Variants in TNFAIP8L3 observed in about 807,000 individuals in gnomAD.
The protein encoded by TNFAIP8L3 is TNF alpha induced protein 8 like 3, also known as tumor necrosis factor alpha-induced protein 8-like protein 3.
Under a neutral mutation model 11.8 loss-of-function variants are expected in TNFAIP8L3, and 7 were observed. The observed-to-expected ratio is 0.59, with a 90% CI of 0.34 to 1.11. TNFAIP8L3 has a LOEUF of 1.11. Ranked by LOEUF, TNFAIP8L3 falls within the 50% of genes most tolerant of loss-of-function variation. The pLI is 0.03. For missense variants in TNFAIP8L3, 219 were observed against 258.6 expected, an observed-to-expected ratio of 0.85 and a Z score of 1.05; for synonymous variants, 98 against 103.8, an observed-to-expected ratio of 0.94 and a Z score of 0.34.
intron 1 of TNFAIP8L3, among the ~76,000 whole-genome samples, chr15:51,066,761 G>A (rs765958039): frequency 6.6e-6 from 1 of 152,180 alleles, no homozygotes. Context: ...GGTTTTGGAT[G>A]TCCCTAAGTA....
chr15:51,102,600 C>G (rs2065562543), intron 1 of TNFAIP8L3, among the ~76,000 whole-genome samples: 1 of 152,178 alleles, frequency 6.6e-6, no homozygotes, highest in Non-Finnish European at 1.5e-5. Flanking sequence ...TCAAGGTCAC[C>G]TGGTCTAACC....
intron 1 of TNFAIP8L3, among the ~76,000 whole-genome samples, chr15:51,102,700 G>T (rs1211883123): frequency 6.6e-6 from 1 of 152,114 alleles, no homozygotes; most frequent in Non-Finnish European, 1.5e-5. Context: ...CCATGTCTCT[G>T]GCCCTATTTC....
At chr15:51,061,941 C>T (rs2065244536) in intron 1 of TNFAIP8L3, among the ~76,000 whole-genome samples, 1 of 152,106 alleles carries the variant, frequency 6.6e-6, no homozygotes, top group South Asian at 2.1e-4. Flanking sequence ...CACATCAACT[C>T]TTTGTTTGCC....
chr15:51,094,589 A>C lies in TNFAIP8L3; in HGVS notation c.7T>G (p.Ser3Ala). The C allele has an allele frequency of 6.7e-7, 1 of 1,497,960 alleles. No individual in the cohort carries two copies. 92.8% of individuals were successfully genotyped at this position (1,497,960 alleles called of 1,614,324 possible). A position where few individuals can be genotyped will look rare whatever the true frequency, so the allele number is the denominator to read the frequency against. Reference sequence around the variant, plus strand: ...CCCTCGCTCTGCTCCCCGGAATCCGAATCCATGCTGCGGGCTGCTGGCTGG... The same window carrying C: ...CCCTCGCTCTGCTCCCCGGAATCCGCATCCATGCTGCGGGCTGCTGGCTGG... MD[S>A]DSGEQSEGEP... The change falls in exon 1 of 2, where the codon TCG becomes GCG. Residue 3 changes from serine to alanine, a missense_variant. Physicochemically the swap from Ser to Ala is moderately conservative, Grantham distance 99. Transcript: ENST00000637513. The surrounding 1 kb of genome is among the most constrained non-coding windows in gnomAD (Gnocchi z 4.4).
intron 1 of TNFAIP8L3, among the ~76,000 whole-genome samples, chr15:51,063,535 C>G (rs938330525): frequency 6.6e-5 from 10 of 152,050 alleles, no homozygotes; most frequent in African/African-American, 2.4e-4. Flanking sequence ...GAGTACCTAC[C>G]CATCTTGCCA....
chr15:51,061,930 T>TCA lies in TNFAIP8L3; in HGVS notation c.53-3489_53-3488dup, dbSNP rs2065244485. ...AGAATCATCATTGGCAATGTGAATTTCACATCAACTCTTTGTTTGCCAGGA... is the reference window on the plus strand; with the variant it reads ...AGAATCATCATTGGCAATGTGAATTTCACACATCAACTCTTTGTTTGCCAGGA... On this transcript the variant is annotated intron_variant, in intron 1 of 1. Transcript: ENST00000637513. 2.6e-5 allele frequency among the ~76,000 whole-genome samples: 4 copies of TCA among 152,270 alleles called. No individual in the cohort carries two copies. In the South Asian group the frequency reaches 8.3e-4, roughly 32 times the overall value.
chr15:51,058,022 G>A lies in TNFAIP8L3; in HGVS notation c.474C>T (p.His158=), dbSNP rs369496823. 9.9e-6 allele frequency: 16 copies of A among 1,614,104 alleles called. No homozygotes were observed. Among genetic ancestry groups the A allele is most frequent in the African/African-American group, 9.3e-5 (7 of 74,942 alleles). ...GGTTAAAGACGTGGTTGATGCGCCC[G>A]TGGGTCCTGGGCGTCAGGTGCCGCT... ...LVQRHLTPRT[H]GRINHVFNHF... The change falls in exon 2 of 2, where the codon CAC becomes CAT. Residue 158 remains histidine, a synonymous_variant. Coordinates refer to ENST00000637513, the MANE Select transcript of TNFAIP8L3 (RefSeq NM_001311175.2).
upstream of TNFAIP8L3, among the ~76,000 whole-genome samples, chr15:51,098,344 C>T (rs1453994796): frequency 1.3e-5 from 2 of 152,192 alleles, no homozygotes; most frequent in African/African-American, 4.8e-5. Context: ...AGCTCTAGAA[C>T]CGCTGTTTTC....
At chr15:51,073,287 C>T (rs569527826) in intron 1 of TNFAIP8L3, among the ~76,000 whole-genome samples, 3 of 152,316 alleles carry the variant, frequency 2.0e-5, no homozygotes, top group Non-Finnish European at 2.9e-5. Flanking sequence ...TGAGCCACCA[C>T]GCCCAGCCTA....
At chr15:51,104,646 T>TA (rs776232601) in intron 1 of TNFAIP8L3, among the ~76,000 whole-genome samples, 37 of 152,334 alleles carry the variant, frequency 2.4e-4, no homozygotes, top group Non-Finnish European at 4.6e-4. Flanking sequence ...GTGGATGCTT[T>TA]GCTGTGATGG....
At chr15:51,074,342 T>C (rs1185225296) in intron 1 of TNFAIP8L3, among the ~76,000 whole-genome samples, 1 of 152,262 alleles carries the variant, frequency 6.6e-6, no homozygotes, top group South Asian at 2.1e-4. Context: ...CAATAGCACA[T>C]GCCACCATTT....
In TNFAIP8L3 at chr15:51,061,491, A is replaced by G. The variant is rs557060462; in HGVS notation, c.53-3048T>C. On this transcript the variant is annotated intron_variant, in intron 1 of 1. Transcript: ENST00000637513. The stretch of plus-strand genomic sequence containing the variant: ...CCAATGTAACGTAAGTACCGTTGTT[A>G]TATAATACCCATTATTGTACACTTT... Among the ~76,000 whole-genome samples the G allele has an allele frequency of 9.2e-5, 14 of 152,352 alleles. No individual in the cohort carries two copies. The East Asian group carries it at 2.5e-3, about 27-fold the overall frequency.
rs142739695 is a variant in TNFAIP8L3 at position 51,104,945 on chromosome 15, T to G, written c.172+60A>C. On this transcript the variant is annotated intron_variant, in intron 1 of 2. Transcript: ENST00000327536. ...TCCTCAGCTCGCCACCTTGCATGCT[T>G]TGCACAAGCCTCCCCGCCCCTATAC... is the stretch of plus-strand genomic sequence containing the variant. 4.9e-5 allele frequency: 79 copies of G among 1,608,616 alleles called. 1 individual carries two copies. In the African/African-American group the frequency reaches 8.0e-4, roughly 16 times the overall value.
chr15:51,063,365 CTG>C (rs2065251902), intron 1 of TNFAIP8L3, among the ~76,000 whole-genome samples: 1 of 152,206 alleles, frequency 6.6e-6, no homozygotes, highest in African/African-American at 2.4e-5. Flanking sequence ...ATTGCTAAAA[CTG>C]GAAATGTTCC....
At chr15:51,062,556 T>A (rs1347666115) in intron 1 of TNFAIP8L3, among the ~76,000 whole-genome samples, 1 of 152,248 alleles carries the variant, frequency 6.6e-6, no homozygotes, top group Non-Finnish European at 1.5e-5. Flanking sequence ...GTACATGTTG[T>A]GGAATGTCTC....
intron 1 of TNFAIP8L3, among the ~76,000 whole-genome samples, chr15:51,101,137 T>C (rs1445049357): frequency 6.6e-6 from 1 of 152,236 alleles, no homozygotes. Context: ...ATGGACCTGC[T>C]GTGGTTCCAG....
At chr15:51,095,593 C>G (rs531253233), upstream of TNFAIP8L3, among the ~76,000 whole-genome samples, 3 of 151,812 alleles carry the variant, frequency 2.0e-5, no homozygotes, top group African/African-American at 7.3e-5. Flanking sequence ...AAAAGCTTTT[C>G]TTTGTTGATG....
rs2065211430 is a variant in TNFAIP8L3 at position 51,057,194 on chromosome 15, GCCACCATGCCTGGCCAAAA to G, written c.*668_*686del. ...CAAAGTGCTGGGATTACAGGTGTGA[GCCACCATGCCTGGCCAAAA>G]AGACGACTCTTGAAACACATTTTTC... On this transcript the variant is annotated 3_prime_UTR_variant, in exon 2 of 2. Transcript: ENST00000637513. 1 of 152,214 alleles carries G rather than the reference GCCACCATGCCTGGCCAAAA, an allele frequency of 6.6e-6. No individual in the cohort carries two copies. Among genetic ancestry groups the G allele is most frequent in the South Asian group, 2.1e-4 (1 of 4,828 alleles). The allele number at this position is 152,214 out of a possible 1,614,324, so 9.4% of individuals were successfully genotyped here.
In TNFAIP8L3 at chr15:51,094,516, C is replaced by T. The variant is rs746024625; in HGVS notation, c.52+28G>A. 6.8e-6 allele frequency: 10 copies of T among 1,475,230 alleles called. No individual in the cohort carries two copies. In the East Asian group the frequency reaches 8.8e-5, roughly 13 times the overall value. The allele number at this position is 1,475,230 out of a possible 1,614,324, so 91.4% of individuals were successfully genotyped here. A position where few individuals can be genotyped will look rare whatever the true frequency, so the allele number is the denominator to read the frequency against. On this transcript the variant is annotated intron_variant, in intron 1 of 1. Coordinates refer to ENST00000637513, the MANE Select transcript of TNFAIP8L3 (RefSeq NM_001311175.2). The surrounding 1 kb of genome is among the most constrained non-coding windows in gnomAD (Gnocchi z 4.4). ...CCGTCCTCCCCAGCCCCAGCCCACC[C>T]GCCTGGGCCGTCGCGGCCCCTAGGT...
Sources: gnomAD v4.1 joint callset for allele counts (sites outside exome capture counted in the v4.1 genomes callset) on GRCh38, gnomAD v4.1.1 for gene constraint, Gnocchi (gnomAD v3.1) non-coding constraint, MANE v1.5 for transcripts, NCBI Gene and HGNC (gene_info 2026-07-23, HGNC 2026-07-21) for gene names.